MPHOSPH10: variants seen among roughly 807,000 people sequenced by gnomAD.
MPHOSPH10 encodes M-phase phosphoprotein 10.
MPHOSPH10 carries 33 observed loss-of-function variants against 77.3 expected under a neutral mutation model. That is an observed-to-expected ratio of 0.43 (90% CI 0.32 to 0.57). MPHOSPH10 has a LOEUF of 0.57. Among genes scored for constraint, MPHOSPH10 ranks in the 20% least tolerant of loss-of-function variants. The probability of loss-of-function intolerance (pLI) is 0.07; values close to 1 mark genes in which losing one functional copy is unlikely to be tolerated. For synonymous variants in MPHOSPH10, 245 were observed against 268.0 expected (o/e 0.91, Z 0.84); for missense variants, 708 against 780.1 (o/e 0.91, Z 1.10).
At chr2:71,132,235 C>T (rs913911611) in intron 1 of MPHOSPH10, among the ~76,000 whole-genome samples, 1 of 152,218 alleles carries the variant, frequency 6.6e-6, no homozygotes, top group Non-Finnish European at 1.5e-5. Context: ...TCGTCCCTTT[C>T]TCCTTCCTTC....
chr2:71,136,895 T>C (rs1353245606), intron 4 of MPHOSPH10, among the ~76,000 whole-genome samples: 1 of 125,578 alleles, frequency 8.0e-6, no homozygotes, highest in East Asian at 2.3e-4. Context: ...AACCCAAACC[T>C]GACAGAGGTA....
intron 9 of MPHOSPH10, 48 bp from the exon 10 acceptor site, chr2:71,149,175 G>T: frequency 6.7e-7 from 1 of 1,490,472 alleles, no homozygotes; most frequent in Non-Finnish European, 9.0e-7. Context: ...CAGTTTCCTA[G>T]TTGTTAAACT....
In MPHOSPH10 at chr2:71,134,017, A is replaced by G; in HGVS notation, c.838A>G (p.Thr280Ala). The change falls in exon 3 of 11, where the codon ACA (threonine) becomes GCA (alanine). Residue 280 changes from threonine (T) to alanine (A), a missense_variant. Physicochemically the swap from Thr to Ala is moderately conservative, Grantham distance 58 (BLOSUM62 0). Transcript: ENST00000244230. ...FDPVESDEDITNVHDDELDSN... is the reference protein window; with the variant it reads ...FDPVESDEDIANVHDDELDSN... ...TCCAGTTGAAAGTGATGAAGACATA[A>G]CAAATGTTCATGATGATGAGCTGGA... is the stretch of plus-strand genomic sequence containing the variant. The G allele has an allele frequency of 1.9e-6, 3 of 1,608,780 alleles. No individual in the cohort carries two copies. Among genetic ancestry groups the G allele is most frequent in the Non-Finnish European group, 2.5e-6 (3 of 1,177,204 alleles).
intron 4 of MPHOSPH10, among the ~76,000 whole-genome samples, chr2:71,138,093 A>T (rs1031248140): frequency 2.0e-5 from 3 of 152,240 alleles, no homozygotes; most frequent in African/African-American, 2.4e-5. Context: ...CTTCAAAAAA[A>T]TTTTAAAAAA....
At chr2:71,135,160 G>C (rs1320318238) in intron 4 of MPHOSPH10, among the ~76,000 whole-genome samples, 1 of 151,098 alleles carries the variant, frequency 6.6e-6, no homozygotes, top group Non-Finnish European at 1.5e-5. Context: ...GCAAGACCTT[G>C]TCTTAAAACA....
Position 71,138,101 on chromosome 2 carries a change from AAAAG to A in MPHOSPH10, c.1099-386_1099-383del, listed in dbSNP as rs576401402. ...GACTCTGCTTCAAAAAAATTTTAAA[AAAAG>A]AAGTTAGAGTAAGAATTTGAGTTTG... is the stretch of plus-strand genomic sequence containing the variant. On this transcript the variant is annotated intron_variant, in intron 4 of 10. Transcript: ENST00000244230. 1.7e-3 allele frequency among the ~76,000 whole-genome samples: 261 copies of A among 152,360 alleles called. 1 individual carries two copies. The highest frequency in any genetic ancestry group is 5.9e-3 in the African/African-American group (247 of 41,584).
intron 4 of MPHOSPH10, among the ~76,000 whole-genome samples, chr2:71,137,625 C>A (rs572325732): frequency 3.5e-5 from 5 of 143,522 alleles, no homozygotes; most frequent in African/African-American, 1.3e-4. Context: ...CGCAACTGCT[C>A]TCCAGCCTAG....
intron 3 of MPHOSPH10, 85 bp downstream of exon 3, chr2:71,134,190 CT>C: frequency 7.4e-7 from 1 of 1,344,004 alleles, no homozygotes; most frequent in Non-Finnish European, 1.0e-6. Flanking sequence ...ATGTGTTTGT[CT>C]TAGCAAGTTC....
intron 7 of MPHOSPH10, 129 bp downstream of exon 7, chr2:71,141,498 C>G (rs1161620747): frequency 2.8e-6 from 2 of 718,540 alleles, no homozygotes; most frequent in Non-Finnish European, 4.1e-6. Flanking sequence ...AAGTATGAGA[C>G]AGAGCATGCT....
chr2:71,145,359 G>A (rs357749), intron 8 of MPHOSPH10, among the ~76,000 whole-genome samples: 51,375 of 152,048 alleles, frequency 0.34, 8,927 homozygotes, highest in Admixed American at 0.41. Flanking sequence ...GCTTTATGAT[G>A]CAGGCAATCG....
intron 4 of MPHOSPH10, among the ~76,000 whole-genome samples, chr2:71,135,673 T>C (rs1673474273): frequency 6.6e-6 from 1 of 151,820 alleles, no homozygotes; most frequent in African/African-American, 2.4e-5. Flanking sequence ...TTTTGGAGGA[T>C]ACCACATATG....
At chr2:71,140,150 T>C (rs1673584465) in intron 6 of MPHOSPH10, among the ~76,000 whole-genome samples, 1 of 152,174 alleles carries the variant, frequency 6.6e-6, no homozygotes. Context: ...CCTGTGATGG[T>C]TGCACCCAGA....
chr2:71,144,730 G>A (rs1673675529), intron 8 of MPHOSPH10, among the ~76,000 whole-genome samples, 192 bp downstream of exon 8: 1 of 152,102 alleles, frequency 6.6e-6, no homozygotes, highest in African/African-American at 2.4e-5. Flanking sequence ...GATCTTCAGT[G>A]AGCCCCTGCC....
At chr2:71,136,312 G>A (rs1362726394) in intron 4 of MPHOSPH10, among the ~76,000 whole-genome samples, 2 of 152,078 alleles carry the variant, frequency 1.3e-5, no homozygotes, top group Admixed American at 1.3e-4. Context: ...CCAGGAATTC[G>A]AGACCAACCT....
intron 6 of MPHOSPH10, among the ~76,000 whole-genome samples, chr2:71,140,806 G>A (rs1673596640): frequency 6.6e-6 from 1 of 152,140 alleles, no homozygotes; most frequent in African/African-American, 2.4e-5. Context: ...TAAAGGGTGA[G>A]TATCATGTGC....
Position 71,133,187 on chromosome 2 carries a change from A to G in MPHOSPH10, c.379A>G (p.Lys127Glu), listed in dbSNP as rs370330461. 1.2e-6 allele frequency: 2 copies of G among 1,614,164 alleles called. No individual in the cohort carries two copies. The highest frequency in any genetic ancestry group is 1.7e-6 in the Non-Finnish European group (2 of 1,180,014). The change falls in exon 2 of 11, where the codon AAG (lysine) becomes GAG (glutamate). Residue 127 changes from lysine to glutamate, a missense_variant. Coordinates refer to ENST00000244230, the MANE Select transcript of MPHOSPH10 (RefSeq NM_005791.3). ...TGGTTCAGAGATAGAGGCTGATGAC[A>G]AGGAGGACCTAGAAGATTTAGAGGA... ...EDGSEIEADD[K>E]EDLEDLEEEE...
chr2:71,135,630 G>C (rs556833631), intron 4 of MPHOSPH10, among the ~76,000 whole-genome samples: 14 of 139,634 alleles, frequency 1.0e-4, no homozygotes, highest in African/African-American at 3.6e-4. Context: ...TCCTGATAAA[G>C]CTGTCCTGTG....
At chr2:71,132,719 T>C (rs1673411758) in intron 1 of MPHOSPH10, among the ~76,000 whole-genome samples, 179 bp from the exon 2 acceptor site, 2 of 152,244 alleles carry the variant, frequency 1.3e-5, no homozygotes, top group Non-Finnish European at 2.9e-5. Context: ...AGATACTTGG[T>C]TGACAGGTTT....
At chr2:71,147,705 C>T (rs551837400) in intron 8 of MPHOSPH10, among the ~76,000 whole-genome samples, 1 of 151,984 alleles carries the variant, frequency 6.6e-6, no homozygotes, top group South Asian at 2.1e-4. Context: ...GAAATACATG[C>T]TGTTGGAATG....
Sources: gnomAD v4.1 joint callset for allele counts (sites outside exome capture counted in the v4.1 genomes callset) on GRCh38, gnomAD v4.1.1 for gene constraint, MANE v1.5 for transcripts, NCBI Gene and HGNC (gene_info 2026-07-23, HGNC 2026-07-21) for gene names.